ZNF385D: variants seen among roughly 807,000 people sequenced by gnomAD.
The protein encoded by ZNF385D is zinc finger protein 659.
In ZNF385D, 15 loss-of-function variants were observed where a neutral mutation model predicts 35.8. The observed-to-expected ratio is 0.42, with a 90% CI of 0.28 to 0.64. ZNF385D has a LOEUF of 0.64. ZNF385D is among the 30% of genes least tolerant of loss of function. The pLI is 0.23. For synonymous variants in ZNF385D, 212 were observed against 186.8 expected, an observed-to-expected ratio of 1.13 and a Z score of -1.10; for missense variants, 474 against 494.6, an observed-to-expected ratio of 0.96 and a Z score of 0.39.
At chr3:22,180,799 G>A (rs1405837677) in intron 2 of ZNF385D, among the ~76,000 whole-genome samples, 3 of 151,864 alleles carry the variant, frequency 2.0e-5, no homozygotes, top group Admixed American at 1.3e-4. Flanking sequence ...AATAATCAGA[G>A]CTATCTACGA....
intron 3 of ZNF385D, among the ~76,000 whole-genome samples, chr3:22,008,045 T>G (rs1696328868): frequency 6.6e-6 from 1 of 152,056 alleles, no homozygotes; most frequent in Admixed American, 6.5e-5. Context: ...CATGTGAACT[T>G]TATTTTTCCA....
chr3:21,627,071 A>G (rs2065154190), intron 2 of ZNF385D, among the ~76,000 whole-genome samples: 1 of 151,470 alleles, frequency 6.6e-6, no homozygotes, highest in Admixed American at 6.6e-5. Context: ...TTTCTCCTAC[A>G]CAACTAAATA....
chr3:21,830,358 T>C (rs113155174), intron 3 of ZNF385D, among the ~76,000 whole-genome samples: 4 of 152,326 alleles, frequency 2.6e-5, no homozygotes, highest in African/African-American at 4.8e-5. Context: ...ATTGATTACA[T>C]TGATCTGTTA....
intron 4 of ZNF385D, among the ~76,000 whole-genome samples, chr3:21,440,378 TA>T (rs1351029621): frequency 6.6e-6 from 1 of 152,016 alleles, no homozygotes; most frequent in East Asian, 1.9e-4. Flanking sequence ...AAAACAAACC[TA>T]AACTTAAGGA....
chr3:22,341,337 A>G (rs1695411763), intron 2 of ZNF385D, among the ~76,000 whole-genome samples: 1 of 152,174 alleles, frequency 6.6e-6, no homozygotes, highest in Non-Finnish European at 1.5e-5. Flanking sequence ...ACACCCATCT[A>G]TGACATGTAG....
chr3:21,754,014 G>A (rs75978929), upstream of ZNF385D, among the ~76,000 whole-genome samples: 339 of 152,178 alleles, frequency 2.2e-3, 1 homozygote, highest in South Asian at 0.018. Flanking sequence ...ACAAATGAGA[G>A]GATCTTCCTC....
chr3:21,652,186 T>C (rs2065935416), intron 2 of ZNF385D, among the ~76,000 whole-genome samples: 1 of 152,226 alleles, frequency 6.6e-6, no homozygotes, highest in South Asian at 2.1e-4. Flanking sequence ...AAACACATTT[T>C]CTGATTGACT....
intron 1 of ZNF385D, among the ~76,000 whole-genome samples, chr3:21,709,173 T>A (rs1345832769): frequency 6.6e-6 from 1 of 152,228 alleles, no homozygotes; most frequent in African/African-American, 2.4e-5. Context: ...GATACCATAA[T>A]GTTTATTTCC....
chr3:22,204,874 C>A (rs1697041361), intron 2 of ZNF385D, among the ~76,000 whole-genome samples: 2 of 142,032 alleles, frequency 1.4e-5, no homozygotes, highest in Admixed American at 7.6e-5. Context: ...AAAATAGCCT[C>A]AAAAGGGCAA....
intron 3 of ZNF385D, among the ~76,000 whole-genome samples, chr3:21,890,937 G>A (rs1345123403): frequency 6.6e-6 from 1 of 152,126 alleles, no homozygotes. Flanking sequence ...CAGTATTTAA[G>A]AATTTCAAGG....
intron 1 of ZNF385D, among the ~76,000 whole-genome samples, chr3:21,678,410 A>T (rs2066794901): frequency 6.6e-6 from 1 of 152,102 alleles, no homozygotes; most frequent in African/African-American, 2.4e-5. Flanking sequence ...ATGCCTTGAG[A>T]ATATACAACT....
intron 2 of ZNF385D, among the ~76,000 whole-genome samples, chr3:21,581,132 T>G (rs971129247): frequency 6.6e-6 from 1 of 152,168 alleles, no homozygotes; most frequent in Admixed American, 6.6e-5. Flanking sequence ...CAGGTCTACA[T>G]TTCTCCATTC....
chr3:21,434,167 C>CTT (rs1701437701), intron 5 of ZNF385D, among the ~76,000 whole-genome samples: 1 of 152,140 alleles, frequency 6.6e-6, no homozygotes, highest in Admixed American at 6.5e-5. Flanking sequence ...GGCCAGAAGT[C>CTT]TAACAGTTTC....
At chr3:22,260,385 A>C (rs1700563947) in intron 2 of ZNF385D, among the ~76,000 whole-genome samples, 1 of 151,936 alleles carries the variant, frequency 6.6e-6, no homozygotes, top group Non-Finnish European at 1.5e-5. Context: ...ATTAGGACAA[A>C]TACCTAATGC....
chr3:21,779,879 T>G (rs1056916271), intron 3 of ZNF385D, among the ~76,000 whole-genome samples: 1 of 151,992 alleles, frequency 6.6e-6, no homozygotes, highest in Non-Finnish European at 1.5e-5. Context: ...GTCCTCACTA[T>G]ATTTCCTCAT....
intron 2 of ZNF385D, among the ~76,000 whole-genome samples, chr3:22,197,462 C>T (rs1053182676): frequency 3.9e-5 from 6 of 151,954 alleles, no homozygotes; most frequent in Non-Finnish European, 5.9e-5. Flanking sequence ...ATTGGCAGTT[C>T]GACTCATCTA....
At chr3:22,282,188 A>T (rs1038577982) in intron 2 of ZNF385D, among the ~76,000 whole-genome samples, 1 of 151,954 alleles carries the variant, frequency 6.6e-6, no homozygotes, top group Non-Finnish European at 1.5e-5. Context: ...ATCTTTTCAA[A>T]GAATCAGCTT....
At chr3:21,890,680 C>G (rs1698806213) in intron 3 of ZNF385D, among the ~76,000 whole-genome samples, 1 of 151,912 alleles carries the variant, frequency 6.6e-6, no homozygotes, top group African/African-American at 2.4e-5. Context: ...GTGACACAGA[C>G]AGGTATGAGA....
At chr3:22,067,803 C>T (rs1341237433) in intron 3 of ZNF385D, among the ~76,000 whole-genome samples, 1 of 152,164 alleles carries the variant, frequency 6.6e-6, no homozygotes, top group Non-Finnish European at 1.5e-5. Flanking sequence ...GTGGGCGGAT[C>T]ATGAGGTCAA....
Sources: gnomAD v4.1 joint callset for allele counts (sites outside exome capture counted in the v4.1 genomes callset) on GRCh38, gnomAD v4.1.1 for gene constraint, MANE v1.5 for transcripts, NCBI Gene and HGNC (gene_info 2026-07-23, HGNC 2026-07-21) for gene names.